KIF26B: variants seen among roughly 807,000 people sequenced by gnomAD.
KIF26B encodes kinesin-like protein KIF26B.
Under a neutral mutation model 151.2 loss-of-function variants are expected in KIF26B, and 63 were observed. The observed-to-expected ratio is 0.42, with a 90% CI of 0.34 to 0.51. The LOEUF is 0.51. KIF26B is among the 20% of genes least tolerant of loss of function. The pLI is 0.07. For synonymous variants in KIF26B, 1,357 were observed against 1,262.1 expected (o/e 1.08, Z -1.59); for missense variants, 2,813 against 2,913.6 (o/e 0.97, Z 0.79).
intron 10 of KIF26B, among the ~76,000 whole-genome samples, chr1:245,649,321 C>T (rs967491743): frequency 1.3e-5 from 2 of 152,204 alleles, no homozygotes; most frequent in African/African-American, 2.4e-5. Flanking sequence ...AACTGCCTCG[C>T]TCCTCACAGC....
chr1:245,316,665 C>T (rs1162146839), intron 2 of KIF26B, among the ~76,000 whole-genome samples: 1 of 152,142 alleles, frequency 6.6e-6, no homozygotes, highest in Non-Finnish European at 1.5e-5. Flanking sequence ...TGCCAGCTGT[C>T]TGCAAGCTTA....
At chr1:245,454,688 G>A (rs1659474254) in intron 4 of KIF26B, among the ~76,000 whole-genome samples, 1 of 152,194 alleles carries the variant, frequency 6.6e-6, no homozygotes, top group Admixed American at 6.5e-5. Context: ...TCAATGGAAA[G>A]GATCTGATCT....
intron 2 of KIF26B, among the ~76,000 whole-genome samples, chr1:245,341,092 T>C (rs1180663838): frequency 6.6e-6 from 1 of 152,192 alleles, no homozygotes; most frequent in East Asian, 1.9e-4. Flanking sequence ...GTTCTCGTTT[T>C]TCCCTTGGGG....
chr1:245,644,570 A>T (rs1232536004), intron 9 of KIF26B, among the ~76,000 whole-genome samples: 2 of 152,106 alleles, frequency 1.3e-5, no homozygotes, highest in Admixed American at 1.3e-4. Flanking sequence ...AAACAGTTTG[A>T]TCATTTTTTT....
chr1:245,558,137 G>C (rs1456528292), intron 5 of KIF26B, among the ~76,000 whole-genome samples: 1 of 152,118 alleles, frequency 6.6e-6, no homozygotes, highest in Non-Finnish European at 1.5e-5. Flanking sequence ...CTCTGTAGGG[G>C]ACTGAGCTTG....
intron 4 of KIF26B, among the ~76,000 whole-genome samples, chr1:245,505,268 G>T (rs1272494429): frequency 1.3e-5 from 2 of 151,220 alleles, no homozygotes; most frequent in Non-Finnish European, 1.5e-5. Flanking sequence ...GTCTATAATA[G>T]GTATACACAG....
chr1:245,660,064 C>T (rs1393307290), intron 10 of KIF26B, among the ~76,000 whole-genome samples: 4 of 151,854 alleles, frequency 2.6e-5, no homozygotes, highest in Admixed American at 2.0e-4. Flanking sequence ...AAAAAAGTTC[C>T]AGCAAGTCAG....
intron 5 of KIF26B, among the ~76,000 whole-genome samples, chr1:245,585,760 A>G (rs1348501769): frequency 6.6e-6 from 1 of 152,216 alleles, no homozygotes; most frequent in African/African-American, 2.4e-5. Flanking sequence ...TGCATTACTC[A>G]TCAGCATTTA....
chr1:245,569,959 G>A (rs1476393031), intron 5 of KIF26B, among the ~76,000 whole-genome samples: 1 of 97,046 alleles, frequency 1.0e-5, no homozygotes, highest in Admixed American at 1.3e-4. Context: ...TTTTTGAGAC[G>A]GAGTCTTGCT....
intron 4 of KIF26B, among the ~76,000 whole-genome samples, chr1:245,432,056 C>A (rs1217764499): frequency 6.6e-6 from 1 of 151,952 alleles, no homozygotes; most frequent in Admixed American, 6.6e-5. Context: ...TGCTCAAATG[C>A]CACTTCCTTG....
At chr1:245,521,559 A>G (rs1471094420) in intron 4 of KIF26B, among the ~76,000 whole-genome samples, 2 of 152,138 alleles carry the variant, frequency 1.3e-5, no homozygotes, top group Non-Finnish European at 2.9e-5. Flanking sequence ...ACCTAGACCA[A>G]TGTTTCCAAA....
At chr1:245,586,650 G>A (rs894903192) in intron 5 of KIF26B, among the ~76,000 whole-genome samples, 10 of 151,966 alleles carry the variant, frequency 6.6e-5, no homozygotes, top group African/African-American at 1.9e-4. Context: ...TTGGGAGGCC[G>A]AGGCGGGTGG....
intron 10 of KIF26B, among the ~76,000 whole-genome samples, chr1:245,664,567 G>A (rs938392568): frequency 6.6e-5 from 10 of 151,888 alleles, no homozygotes; most frequent in African/African-American, 1.4e-4. Flanking sequence ...TTCATGTTTT[G>A]AAATATTTTC....
At chr1:245,174,823 GC>G (rs1232552590) in intron 2 of KIF26B, among the ~76,000 whole-genome samples, 1 of 152,206 alleles carries the variant, frequency 6.6e-6, no homozygotes, top group Non-Finnish European at 1.5e-5. Flanking sequence ...CTGGAGAAGG[GC>G]CCTTTGGAGC....
intron 12 of KIF26B, 49 bp downstream of exon 12, chr1:245,688,856 G>A (rs758585546): frequency 4.6e-6 from 7 of 1,517,596 alleles, no homozygotes; most frequent in Middle Eastern, 2.1e-4. Context: ...GCAGGTGGGC[G>A]AGCTGCCCAA....
chr1:245,688,735 A>G lies in KIF26B; in HGVS notation c.5752A>G (p.Thr1918Ala). ...CAGCGCGTCCTCGGCGCAGGACTCC[A>G]CGAGCGAGAACAGCAGCTCCGTGGG... ...TGSASSAQDSTSENSSSVGGR... is the reference protein window; with the variant it reads ...TGSASSAQDSASENSSSVGGR... Residue 1918 changes from threonine (T) to alanine (A), a missense_variant, in exon 12 of 15, where the codon ACG (threonine) becomes GCG (alanine). Coordinates refer to ENST00000407071, the MANE Select transcript of KIF26B (RefSeq NM_018012.4). The G allele has an allele frequency of 6.2e-7, 1 of 1,607,170 alleles. No homozygotes were observed. The highest frequency in any genetic ancestry group is 8.5e-7 in the Non-Finnish European group (1 of 1,176,636).
intron 2 of KIF26B, among the ~76,000 whole-genome samples, chr1:245,315,560 A>G (rs1018414573): frequency 6.6e-6 from 1 of 152,000 alleles, no homozygotes; most frequent in Non-Finnish European, 1.5e-5. Context: ...CGTCTCTACT[A>G]AAAATACACA....
intron 3 of KIF26B, among the ~76,000 whole-genome samples, chr1:245,389,122 C>CT (rs200974724): frequency 0.011 from 1,634 of 152,068 alleles, 30 homozygotes; most frequent in African/African-American, 0.038. Context: ...AGCCCATTTT[C>CT]TTTTTTTTGA....
chr1:245,545,097 C>T (rs1271611085), intron 5 of KIF26B, among the ~76,000 whole-genome samples: 1 of 138,538 alleles, frequency 7.2e-6, no homozygotes, highest in Non-Finnish European at 1.5e-5. Flanking sequence ...TCCTGATACA[C>T]AGCAATTTTT....
Sources: allele counts gnomAD v4.1 joint callset (sites outside exome capture counted in the v4.1 genomes callset), GRCh38; gene constraint gnomAD v4.1.1; transcripts MANE v1.5; gene names NCBI Gene and HGNC (gene_info 2026-07-23, HGNC 2026-07-21).